MRPL52: variants seen among roughly 807,000 people sequenced by gnomAD.
The protein encoded by MRPL52 is large ribosomal subunit protein mL52.
Under a neutral mutation model 22.1 loss-of-function variants are expected in MRPL52, and 19 were observed. The ratio of observed to expected loss-of-function variants is 0.86; its 90% confidence interval spans 0.60 to 1.26. The LOEUF (loss-of-function observed/expected upper bound fraction) is 1.26. Ranked by LOEUF, MRPL52 falls within the 50% of genes most tolerant of loss-of-function variation. The probability of loss-of-function intolerance (pLI) is 0.00; values close to 1 mark genes in which losing one functional copy is unlikely to be tolerated. For synonymous variants in MRPL52, 50 were observed against 57.5 expected (o/e 0.87, Z 0.59); for missense variants, 152 against 148.1 (o/e 1.03, Z -0.14).
chr14:22,830,281 C>T, intron 3 of MRPL52, 27 bp downstream of exon 3: 1 of 1,613,502 alleles, frequency 6.2e-7, no homozygotes. Flanking sequence ...CAGTTAACTC[C>T]ACTGGGGAGA....
chr14:22,833,194 A>C, intron 3 of MRPL52: 1 of 447,906 alleles, frequency 2.2e-6, no homozygotes, highest in Non-Finnish European at 4.0e-6. Flanking sequence ...TAAATAAATG[A>C]AATAAAATGA....
chr14:22,833,355 T>C (rs1302846142), intron 3 of MRPL52, 63 bp from the exon 4 acceptor site: 1 of 1,016,424 alleles, frequency 9.8e-7, no homozygotes, highest in Admixed American at 1.7e-5. Flanking sequence ...CCTATCACAG[T>C]ATTTGCACAA....
At chr14:22,830,833 T>G in intron 3 of MRPL52, 1 of 605,934 alleles carries the variant, frequency 1.7e-6, no homozygotes, top group Non-Finnish European at 2.8e-6. Context: ...AGTAGGAAAT[T>G]TGAGGCCTAC....
Position 22,829,904 on chromosome 14 carries a change from C to G in MRPL52, c.-9C>G. The G allele has an allele frequency of 6.3e-7, 1 of 1,585,468 alleles. No homozygotes were observed. The highest frequency in any genetic ancestry group is 8.6e-7 in the Non-Finnish European group (1 of 1,165,536). ...CTACTTCCGGCTACCCCGGCTACTCCTGCTCAGCATGGCTGCTTTAGGGAC... is the reference window on the plus strand; with the variant it reads ...CTACTTCCGGCTACCCCGGCTACTCGTGCTCAGCATGGCTGCTTTAGGGAC... On this transcript the variant is annotated 5_prime_UTR_variant, in exon 1 of 5. Coordinates refer to ENST00000397496, the MANE Select transcript of MRPL52 (RefSeq NM_180982.3).
At chr14:22,833,573 G>A in intron 4 of MRPL52, 91 bp downstream of exon 4, 1 of 897,834 alleles carries the variant, frequency 1.1e-6, no homozygotes, top group Non-Finnish European at 1.8e-6. Flanking sequence ...AAGCAAACAT[G>A]TACCCCTCAT....
chr14:22,833,913 G>A (rs908341669), intron 4 of MRPL52, among the ~76,000 whole-genome samples: 3 of 152,168 alleles, frequency 2.0e-5, no homozygotes, highest in African/African-American at 7.2e-5. Flanking sequence ...GGGCCACCAT[G>A]CCTGGCCCCA....
chr14:22,831,910 G>A (rs959472581), intron 3 of MRPL52: 3 of 152,222 alleles, frequency 2.0e-5, no homozygotes, highest in African/African-American at 7.2e-5. Flanking sequence ...GGGAGGCTGA[G>A]GCAGGAGAAT....
chr14:22,831,007 T>C (rs941911375), intron 3 of MRPL52: 28 of 1,533,918 alleles, frequency 1.8e-5, no homozygotes, highest in Middle Eastern at 1.7e-4. Context: ...CTGAGGAAGA[T>C]GGTGAAGATT....
chr14:22,831,323 G>A (rs1412628149), intron 3 of MRPL52: 2 of 301,454 alleles, frequency 6.6e-6, no homozygotes, highest in African/African-American at 2.2e-5. Context: ...TTGCTATGTT[G>A]CCCAAGCTGG....
intron 3 of MRPL52, chr14:22,831,015 A>T (rs2039597854): frequency 3.5e-6 from 5 of 1,438,582 alleles, no homozygotes; most frequent in African/African-American, 1.5e-5. Flanking sequence ...GATGGTGAAG[A>T]TTTTTTCTAC....
At chr14:22,834,029 G>C in intron 4 of MRPL52, 143 bp from the exon 5 acceptor site, 2 of 894,224 alleles carry the variant, frequency 2.2e-6, no homozygotes, top group Non-Finnish European at 3.3e-6. Context: ...GTCTCCCTCT[G>C]CTTCCCAAGC....
At chr14:22,831,010 T>G (rs1418127799) in intron 3 of MRPL52, 1 of 1,534,134 alleles carries the variant, frequency 6.5e-7, no homozygotes. Flanking sequence ...AGGAAGATGG[T>G]GAAGATTTTT....
chr14:22,833,392 G>A (rs1412658543), intron 3 of MRPL52, 26 bp from the exon 4 acceptor site: 1 of 1,540,754 alleles, frequency 6.5e-7, no homozygotes, highest in Non-Finnish European at 9.0e-7. Flanking sequence ...TCTAACACTT[G>A]ACTTTTCTCT....
chr14:22,834,058 G>T, intron 4 of MRPL52, 114 bp from the exon 5 acceptor site: 1 of 1,212,776 alleles, frequency 8.2e-7, no homozygotes, highest in Non-Finnish European at 1.1e-6. Flanking sequence ...GCTCCCACTG[G>T]GGAGTCAGCA....
chr14:22,830,798 TCTC>T (rs1207167811), intron 3 of MRPL52: 3 of 539,832 alleles, frequency 5.6e-6, no homozygotes, highest in Non-Finnish European at 9.8e-6. Context: ...TACTCCCCAT[TCTC>T]CTTATGAGAC....
intron 3 of MRPL52, chr14:22,831,073 C>T: frequency 3.5e-6 from 2 of 570,472 alleles, no homozygotes; most frequent in East Asian, 5.5e-5. Context: ...GTAGTATGGA[C>T]TATTGGAAAG....
At chr14:22,830,275 T>C in intron 3 of MRPL52, 21 bp downstream of exon 3, 1 of 1,613,944 alleles carries the variant, frequency 6.2e-7, no homozygotes. Context: ...ATCTGGCAGT[T>C]AACTCCACTG....
rs1456644368 is a variant in MRPL52, at chr14:22,834,456, A to G, written c.*135A>G. 12 of 982,200 alleles carry G rather than the reference A, an allele frequency of 1.2e-5. No individual in the cohort carries two copies. Among genetic ancestry groups the G allele is most frequent in the African/African-American group, 1.7e-5 (1 of 60,528 alleles). 60.8% of individuals were successfully genotyped at this position (982,200 alleles called of 1,614,324 possible). A position where few individuals can be genotyped will look rare whatever the true frequency, so the allele number is the denominator to read the frequency against. ...GAAAAAGAGCTGGGACACCAAGAAC[A>G]AGCTGTTAGATCACTGCCTGGGAGG... On this transcript the variant is annotated 3_prime_UTR_variant, in exon 5 of 5. Transcript: ENST00000397496.
chr14:22,834,416 C>T lies in MRPL52; in HGVS notation c.*95C>T. Reference sequence around the variant, plus strand: ...AGCCAGAAGATAGCCTTCACGTTCCCCATCTGTCTTCAGAGAAAAAGAGCT... The same window carrying T: ...AGCCAGAAGATAGCCTTCACGTTCCTCATCTGTCTTCAGAGAAAAAGAGCT... On this transcript the variant is annotated 3_prime_UTR_variant, in exon 5 of 5. Transcript: ENST00000397496. The T allele has an allele frequency of 1.4e-6, 2 of 1,388,320 alleles. No individual in the cohort carries two copies. Among genetic ancestry groups the T allele is most frequent in the South Asian group, 1.5e-5 (1 of 66,580 alleles). 86.0% of individuals were successfully genotyped at this position (1,388,320 alleles called of 1,614,324 possible).
Sources: gnomAD v4.1 joint callset for allele counts (sites outside exome capture counted in the v4.1 genomes callset) on GRCh38, gnomAD v4.1.1 for gene constraint, MANE v1.5 for transcripts, NCBI Gene and HGNC (gene_info 2026-07-23, HGNC 2026-07-21) for gene names.